Variants in SLCO1B1 observed in about 807,000 individuals in gnomAD.
The protein encoded by SLCO1B1 is solute carrier organic anion transporter family member 1B1, also known as OATP-2.
In SLCO1B1, 81 loss-of-function variants were observed where a neutral mutation model predicts 70.1. The observed-to-expected ratio is 1.16, with a 90% CI of 0.97 to 1.39. The LOEUF (loss-of-function observed/expected upper bound fraction) is 1.39, where lower values mean the gene tolerates loss of function less well. SLCO1B1 is among the 40% of genes most tolerant of loss of function. SLCO1B1 has a pLI of 0.00. For synonymous variants in SLCO1B1, 283 were observed against 271.5 expected, an observed-to-expected ratio of 1.04 and a Z score of -0.42; for missense variants, 895 against 799.6, an observed-to-expected ratio of 1.12 and a Z score of -1.44.
At chr12:21,146,930 T>C (rs1591798257) in intron 2 of SLCO1B1, among the ~76,000 whole-genome samples, 1 of 152,300 alleles carries the variant, frequency 6.6e-6, no homozygotes, top group East Asian at 1.9e-4. Flanking sequence ...AGATGTTTAT[T>C]ATATCCAGTT....
chr12:21,199,289 C>G (rs2121143826), intron 8 of SLCO1B1, among the ~76,000 whole-genome samples: 1 of 152,250 alleles, frequency 6.6e-6, no homozygotes, highest in African/African-American at 2.4e-5. Flanking sequence ...TCTTGATGAA[C>G]TCTGATACTT....
At chr12:21,140,275 C>A (rs889389220) in intron 1 of SLCO1B1, among the ~76,000 whole-genome samples, 2 of 152,072 alleles carry the variant, frequency 1.3e-5, no homozygotes, top group Middle Eastern at 6.8e-3. Context: ...TATTAAAAAT[C>A]ATGTATCTAT....
chr12:21,155,784 T>G (rs1248821040), intron 2 of SLCO1B1, among the ~76,000 whole-genome samples: 1 of 152,190 alleles, frequency 6.6e-6, no homozygotes, highest in Admixed American at 6.5e-5. Flanking sequence ...GTCCCCTGAA[T>G]GCGAAATTGC....
intron 1 of SLCO1B1, among the ~76,000 whole-genome samples, chr12:21,138,568 C>A (rs1940261660): frequency 6.6e-6 from 1 of 152,046 alleles, no homozygotes; most frequent in Non-Finnish European, 1.5e-5. Context: ...AACAAAGTGT[C>A]CACCTTTTTT....
chr12:21,131,337 G>A (rs1315033690), intron 1 of SLCO1B1, 101 bp downstream of exon 1: 3 of 152,004 alleles, frequency 2.0e-5, no homozygotes, highest in African/African-American at 7.2e-5. Flanking sequence ...CGAATTTTAT[G>A]CTCTGTGTCT....
intron 2 of SLCO1B1, among the ~76,000 whole-genome samples, chr12:21,148,379 T>G (rs1480385268): frequency 1.3e-5 from 2 of 152,204 alleles, no homozygotes; most frequent in Non-Finnish European, 2.9e-5. Flanking sequence ...TTGAGTTAAT[T>G]TTTGAATAAG....
At chr12:21,230,559 A>G (rs1192207834) in intron 14 of SLCO1B1, among the ~76,000 whole-genome samples, 1 of 151,400 alleles carries the variant, frequency 6.6e-6, no homozygotes, top group Non-Finnish European at 1.5e-5. Flanking sequence ...CGAACTCCTG[A>G]CCTCAGGTGA....
intron 7 of SLCO1B1, among the ~76,000 whole-genome samples, chr12:21,187,784 A>C (rs1940980566): frequency 6.6e-6 from 1 of 152,210 alleles, no homozygotes; most frequent in Admixed American, 6.6e-5. Context: ...CAAGAAAATT[A>C]TGAAAGAGAT....
chr12:21,160,829 C>G (rs1288089749), intron 2 of SLCO1B1, among the ~76,000 whole-genome samples: 1 of 151,688 alleles, frequency 6.6e-6, no homozygotes, highest in African/African-American at 2.4e-5. Context: ...AACAAACGGC[C>G]TCATTAAAAT....
At chr12:21,204,213 A>T (rs1224160631) in intron 10 of SLCO1B1, among the ~76,000 whole-genome samples, 1 of 151,910 alleles carries the variant, frequency 6.6e-6, no homozygotes, top group East Asian at 1.9e-4. Context: ...CTGAGACTTT[A>T]TCAAGGGGTG....
At chr12:21,200,797 G>T in intron 9 of SLCO1B1, 125 bp downstream of exon 9, 2 of 750,984 alleles carry the variant, frequency 2.7e-6, no homozygotes, top group South Asian at 2.2e-5. Context: ...TAATTTTCTT[G>T]TATTCTTTCT....
intron 5 of SLCO1B1, among the ~76,000 whole-genome samples, chr12:21,177,164 T>A (rs182759814): frequency 1.1e-4 from 16 of 152,304 alleles, no homozygotes; most frequent in African/African-American, 3.6e-4. Flanking sequence ...ACATTTTCTA[T>A]ATTTGGATTG....
At chr12:21,166,534 A>G (rs1294123287) in intron 2 of SLCO1B1, among the ~76,000 whole-genome samples, 1 of 152,220 alleles carries the variant, frequency 6.6e-6, no homozygotes, top group Non-Finnish European at 1.5e-5. Flanking sequence ...AGCATGTGGA[A>G]AAATGCTCCA....
chr12:21,158,161 C>G (rs948940408), intron 2 of SLCO1B1, among the ~76,000 whole-genome samples: 1 of 151,806 alleles, frequency 6.6e-6, no homozygotes, highest in African/African-American at 2.4e-5. Context: ...AAGTGTATAC[C>G]CATCCTATGT....
intron 10 of SLCO1B1, among the ~76,000 whole-genome samples, chr12:21,204,962 A>G (rs1941198184): frequency 6.6e-6 from 1 of 151,894 alleles, no homozygotes; most frequent in South Asian, 2.1e-4. Context: ...GGGGGCCACA[A>G]ACATTCTGAC....
At chr12:21,138,872 A>T (rs1940267479) in intron 1 of SLCO1B1, among the ~76,000 whole-genome samples, 1 of 152,198 alleles carries the variant, frequency 6.6e-6, no homozygotes, top group Non-Finnish European at 1.5e-5. Flanking sequence ...CTATGGGTAT[A>T]TTGAGAATGG....
intron 2 of SLCO1B1, among the ~76,000 whole-genome samples, chr12:21,149,635 C>T (rs954333034): frequency 2.0e-5 from 3 of 152,084 alleles, no homozygotes; most frequent in Non-Finnish European, 4.4e-5. Context: ...AGGGAAGCCA[C>T]GAGGGACTGT....
chr12:21,198,778 G>T (rs1023350103), intron 8 of SLCO1B1, among the ~76,000 whole-genome samples: 4 of 152,172 alleles, frequency 2.6e-5, no homozygotes, highest in South Asian at 2.1e-4. Context: ...GGAGGAAATT[G>T]CTTCCTAAGG....
chr12:21,159,249 A>T (rs1217830537), intron 2 of SLCO1B1, among the ~76,000 whole-genome samples: 1 of 152,168 alleles, frequency 6.6e-6, no homozygotes, highest in Admixed American at 6.5e-5. Context: ...TCATTATTAA[A>T]AACAAAACTT....
Sources: gnomAD v4.1 joint callset for allele counts (sites outside exome capture counted in the v4.1 genomes callset) on GRCh38, gnomAD v4.1.1 for gene constraint, MANE v1.5 for transcripts, NCBI Gene and HGNC (gene_info 2026-07-23, HGNC 2026-07-21) for gene names.